Variants in PODNL1 observed in about 807,000 individuals in gnomAD.
The protein encoded by PODNL1 is podocan like 1, also known as podocan-like protein 1.
PODNL1 carries 50 observed loss-of-function variants against 45.1 expected under a neutral mutation model. That is an observed-to-expected ratio of 1.11 (90% CI 0.88 to 1.40). The LOEUF is 1.40. PODNL1 is among the 40% of genes most tolerant of loss of function. The pLI is 0.00. For synonymous variants in PODNL1, 406 were observed against 372.5 expected (o/e 1.09, Z -1.04); for missense variants, 788 against 793.3 (o/e 0.99, Z 0.08).
At position 13,933,013 on chromosome 19, in the gene PODNL1, G is replaced by T; in HGVS notation, c.1210C>A (p.Arg404Ser). 1.3e-6 allele frequency: 2 copies of T among 1,540,644 alleles called. No individual in the cohort carries two copies. Among genetic ancestry groups the T allele is most frequent in the Non-Finnish European group, 1.7e-6 (2 of 1,148,796 alleles). Residue 404 changes from arginine (R) to serine (S), a missense_variant, in exon 8 of 10, where the codon CGC becomes AGC. Physicochemically the swap from Arg to Ser is moderately radical, Grantham distance 110. This residue lies in a region of PODNL1 where 762 missense variants were observed against 750.9 expected (regional missense o/e 1.01). Transcript: ENST00000588872. This position sits in a 1 kb window ranked among gnomAD's most constrained non-coding sequence, Gnocchi z 5.2. The stretch of plus-strand genomic sequence containing the variant: ...TGATTCCCTGCCAGGTCGAGGCTGC[G>T]CAGGGCACGCAACCGGCGGAAGGCC... ...HRAFRRLRAL[R>S]SLDLAGNQLT...
rs1006383611 is a variant in PODNL1, at chr19:13,950,167, C to G, written c.18+2952G>C. 4.8e-4 allele frequency among the ~76,000 whole-genome samples: 72 copies of G among 150,974 alleles called. 1 individual carries two copies. Among genetic ancestry groups the G allele is most frequent in the Admixed American group, 4.4e-3 (66 of 15,118 alleles). ...ACAGTCGTGATCCACCATGCCTGGC[C>G]TTGTTTTGTTTTTTATTTGAGACAA... On this transcript the variant is annotated intron_variant, in intron 1 of 7. Transcript: ENST00000538371.
chr19:13,951,077 T>A lies in PODNL1; in HGVS notation c.18+2042A>T, dbSNP rs549740534. Among the ~76,000 whole-genome samples, 1,342 of 148,764 alleles carry A rather than the reference T, an allele frequency of 9.0e-3. 21 individuals are homozygous for A. Among genetic ancestry groups the A allele is most frequent in the African/African-American group, 0.031 (1,251 of 40,156 alleles). ...AAAAAAAAAAAAAAAAAAAGATATGTTGTGATATTGTGTTGTGATATATTT... is the reference window on the plus strand; with the variant it reads ...AAAAAAAAAAAAAAAAAAAGATATGATGTGATATTGTGTTGTGATATATTT... On this transcript the variant is annotated intron_variant, in intron 1 of 7. Transcript: ENST00000538371.
chr19:13,946,289 C>T (rs1194023267), intron 1 of PODNL1, among the ~76,000 whole-genome samples: 3 of 151,860 alleles, frequency 2.0e-5, no homozygotes, highest in East Asian at 3.9e-4. Flanking sequence ...ATTAGCCAGA[C>T]GTGGTGGTGG....
chr19:13,947,197 AAG>A (rs1972850136), intron 1 of PODNL1, among the ~76,000 whole-genome samples: 1 of 146,402 alleles, frequency 6.8e-6, no homozygotes, highest in Non-Finnish European at 1.5e-5. Flanking sequence ...AAAAAAAAAA[AAG>A]GCTGGCCATG....
exon 1 of PODNL1, chr19:13,953,165 C>T: frequency 6.5e-7 from 1 of 1,533,114 alleles, no homozygotes; most frequent in South Asian, 1.2e-5. Context: ...CTGGATAGGG[C>T]TGAGTCTTCC....
intron 1 of PODNL1, among the ~76,000 whole-genome samples, chr19:13,947,761 C>T (rs1303328880): frequency 6.6e-6 from 1 of 152,218 alleles, no homozygotes; most frequent in Admixed American, 6.6e-5. Flanking sequence ...CTAAAGTCAT[C>T]ATTAACTTCT....
upstream of PODNL1, among the ~76,000 whole-genome samples, chr19:13,942,758 C>G (rs1483100169): frequency 6.6e-6 from 1 of 151,890 alleles, no homozygotes; most frequent in African/African-American, 2.4e-5. Flanking sequence ...CAGAGACGGG[C>G]AGATCATGTG....
chr19:13,950,175 G>A (rs959181785), intron 1 of PODNL1, among the ~76,000 whole-genome samples: 1 of 149,448 alleles, frequency 6.7e-6, no homozygotes, highest in South Asian at 2.1e-4. Context: ...GCCTTGTTTT[G>A]TTTTTTATTT....
chr19:13,939,283 C>T (rs1281795701), upstream of PODNL1, among the ~76,000 whole-genome samples: 8 of 152,314 alleles, frequency 5.3e-5, no homozygotes, highest in South Asian at 1.7e-3. Flanking sequence ...GTGATCTCGG[C>T]TCACTGCAAC....
chr19:13,936,150 G>C (rs747284374), intron 3 of PODNL1, 106 bp from the exon 4 acceptor site: 8 of 1,082,092 alleles, frequency 7.4e-6, no homozygotes, highest in Non-Finnish European at 1.1e-5. Flanking sequence ...ACTGGCAGAG[G>C]CTCCCCAGGC....
At chr19:13,934,095 C>G in intron 6 of PODNL1, 102 bp from the exon 7 acceptor site, 1 of 1,393,288 alleles carries the variant, frequency 7.2e-7, no homozygotes, top group Non-Finnish European at 9.9e-7. Flanking sequence ...TTGCCTTGAG[C>G]TCAAAGCGAT....
chr19:13,931,839 C>T lies in PODNL1; in HGVS notation c.1623G>A (p.Gly541=). The stretch of plus-strand genomic sequence containing the variant: ...TGTCCACCACACGCAGGTTTGGGAG[C>T]CCCAGGAAGGCCTCAGCCGCGATGC... ...MTSIAAEAFL[G]LPNLRVVDTA... The change falls in exon 10 of 10, where the codon GGG becomes GGA. Residue 541 remains glycine, a synonymous_variant. Coordinates refer to ENST00000588872, the MANE Select transcript of PODNL1 (RefSeq NM_001370095.3). The T allele has an allele frequency of 8.1e-7, 1 of 1,231,948 alleles. No individual in the cohort carries two copies. Among genetic ancestry groups the T allele is most frequent in the East Asian group, 3.2e-5 (1 of 31,700 alleles). 76.3% of individuals were successfully genotyped at this position (1,231,948 alleles called of 1,614,324 possible).
At chr19:13,935,179 C>A (rs1465895213) in intron 5 of PODNL1, among the ~76,000 whole-genome samples, 4 of 151,958 alleles carry the variant, frequency 2.6e-5, no homozygotes, top group Admixed American at 1.3e-4. Context: ...CATACTGTCT[C>A]CACCTCAGTC....
At chr19:13,952,791 G>A in intron 1 of PODNL1, 1 of 1,250,966 alleles carries the variant, frequency 8.0e-7, no homozygotes, top group South Asian at 1.9e-5. Context: ...GGCGGGGCCC[G>A]GGGGAGATGG....
At chr19:13,934,816 G>T (rs1378322726) in intron 5 of PODNL1, among the ~76,000 whole-genome samples, 1 of 151,522 alleles carries the variant, frequency 6.6e-6, no homozygotes, top group Non-Finnish European at 1.5e-5. Context: ...TGTAAGTGTG[G>T]GTGTGCATGT....
rs1972017346 is a variant in PODNL1, at chr19:13,932,490, T to C, written c.1425+308A>G. The stretch of plus-strand genomic sequence containing the variant: ...GATCCTCCTGCCTCAGCCTCCTGAA[T>C]AGCTGGGACTACAGGCATGTGCCAC... On this transcript the variant is annotated intron_variant, in intron 8 of 9. Transcript: ENST00000588872. 3 of 652,348 alleles carry C rather than the reference T, an allele frequency of 4.6e-6. No homozygotes were observed. The South Asian group carries it at 6.5e-5, about 14-fold the overall frequency. The allele number at this position is 652,348 out of a possible 1,614,324, so 40.4% of individuals were successfully genotyped here. A position where few individuals can be genotyped will look rare whatever the true frequency, so the allele number is the denominator to read the frequency against.
Position 13,932,072 on chromosome 19 carries a change from G to A in PODNL1, c.1466C>T (p.Pro489Leu), listed in dbSNP as rs1382988918. The change falls in exon 9 of 10, where the codon CCG becomes CTG. Residue 489 changes from proline to leucine, a missense_variant. This residue lies in a region of PODNL1 where 762 missense variants were observed against 750.9 expected (regional missense o/e 1.01). Coordinates refer to ENST00000588872, the MANE Select transcript of PODNL1 (RefSeq NM_001370095.3). Reference protein sequence around the residue: ...LSHNELSFVPPDLPEALEELH... With the variant: ...LSHNELSFVPLDLPEALEELH... ...CTCCTCTAGGGCCTCAGGCAGGTCC[G>A]GGGGCACAAAGGACAGCTCATTGTG... 15 of 1,232,562 alleles carry A rather than the reference G, an allele frequency of 1.2e-5. No homozygotes were observed. The South Asian group carries it at 1.6e-4, about 14-fold the overall frequency. 76.4% of individuals were successfully genotyped at this position (1,232,562 alleles called of 1,614,324 possible). A position where few individuals can be genotyped will look rare whatever the true frequency, so the allele number is the denominator to read the frequency against.
chr19:13,952,352 G>C (rs1973082417), intron 1 of PODNL1: 1 of 1,037,580 alleles, frequency 9.6e-7, no homozygotes, highest in Non-Finnish European at 1.2e-6. Context: ...TGTTACTGTC[G>C]CTACCAATCA....
chr19:13,933,105 G>A lies in PODNL1; in HGVS notation c.1118C>T (p.Ala373Val). 1.3e-6 allele frequency: 2 copies of A among 1,529,352 alleles called. No homozygotes were observed. The highest frequency in any genetic ancestry group is 4.9e-5 in the East Asian group (2 of 41,094). 94.7% of individuals were successfully genotyped at this position (1,529,352 alleles called of 1,614,324 possible). The stretch of plus-strand genomic sequence containing the variant: ...GTTAAGCTCCGTCAGGCCCGGTGTG[G>A]CGACCAGGTCACGGGCACCCAGCGC... Reference protein sequence around the residue: ...VAALGARDLVATPGLTELNLA... With the variant: ...VAALGARDLVVTPGLTELNLA... Residue 373 changes from alanine to valine, a missense_variant, in exon 8 of 10, where the codon GCC becomes GTC. This residue lies in a region of PODNL1 where 762 missense variants were observed against 750.9 expected (regional missense o/e 1.01). Transcript: ENST00000588872. The surrounding 1 kb of genome is among the most constrained non-coding windows in gnomAD (Gnocchi z 5.2).
Sources: gnomAD v4.1 joint callset for allele counts (sites outside exome capture counted in the v4.1 genomes callset) on GRCh38, gnomAD v4.1.1 for gene constraint, gnomAD v4.1.1 regional missense constraint, Gnocchi (gnomAD v3.1) non-coding constraint, MANE v1.5 for transcripts, NCBI Gene and HGNC (gene_info 2026-07-23, HGNC 2026-07-21) for gene names.